The following TDRD9 variants were observed in gnomAD, a reference collection of about 807,000 sequenced individuals.
TDRD9 encodes ATP-dependent RNA helicase TDRD9.
TDRD9 carries 124 observed loss-of-function variants against 172.6 expected under a neutral mutation model. The observed-to-expected ratio is 0.72, with a 90% CI of 0.62 to 0.83. The LOEUF is 0.83. Ranked by LOEUF, TDRD9 falls within the 40% of genes least tolerant of loss-of-function variation. TDRD9 has a pLI of 0.00. For synonymous variants in TDRD9, 619 were observed against 617.1 expected, an observed-to-expected ratio of 1.00 and a Z score of -0.05; for missense variants, 1,479 against 1,714.1, an observed-to-expected ratio of 0.86 and a Z score of 2.42.
chr14:103,974,255 T>A (rs945366132), intron 6 of TDRD9, among the ~76,000 whole-genome samples: 1 of 152,144 alleles, frequency 6.6e-6, no homozygotes, highest in East Asian at 1.9e-4. Flanking sequence ...TACCTCTACT[T>A]GCGATGTACA....
At chr14:104,031,979 T>A (rs1346442606) in intron 29 of TDRD9, 38 bp from the exon 30 acceptor site, 1 of 1,402,994 alleles carries the variant, frequency 7.1e-7, no homozygotes, top group Non-Finnish European at 9.7e-7. Flanking sequence ...AGTGTTATCT[T>A]GCTTATTGGT....
chr14:104,026,206 C>A, intron 27 of TDRD9, 70 bp downstream of exon 27: 2 of 1,070,850 alleles, frequency 1.9e-6, no homozygotes, highest in Non-Finnish European at 2.9e-6. Context: ...ATTCCTGGGT[C>A]ATATGGTGCC....
chr14:103,939,741 G>GTTT (rs1322302073), intron 1 of TDRD9: 424 of 4,640 alleles, frequency 0.091, 42 homozygotes, highest in Admixed American at 0.41. Context: ...TTGAAAAAAA[G>GTTT]TGTTTTTTTT....
Position 104,035,056 on chromosome 14 carries a change from G to T in TDRD9, c.3716G>T (p.Arg1239Met). ...TTATTCGCACCGGTGATAGAGTTAA[G>T]GTACGGGCATCCCTCTTGTCTATAG... ...SMLFAPVIEL[R>M]IDQNGKYYTG... The change falls in exon 32 of 36, where the codon AGG becomes ATG. Residue 1239 changes from arginine (R) to methionine (M), a missense_variant and splice_region_variant. Coordinates refer to ENST00000409874, the MANE Select transcript of TDRD9 (RefSeq NM_153046.3). The T allele has an allele frequency of 6.4e-7, 1 of 1,551,014 alleles. No homozygotes were observed.
intron 25 of TDRD9, 38 bp from the exon 26 acceptor site, chr14:104,025,526 T>G: frequency 6.3e-7 from 1 of 1,576,202 alleles, no homozygotes; most frequent in Non-Finnish European, 8.7e-7. Context: ...CAAAAGTCCT[T>G]TCTAGATTTC....
At chr14:104,041,325 T>A (rs1164157234) in intron 33 of TDRD9, among the ~76,000 whole-genome samples, 4 of 152,038 alleles carry the variant, frequency 2.6e-5, no homozygotes, top group African/African-American at 9.7e-5. Flanking sequence ...GTGGCATGAG[T>A]TTATAAATAC....
intron 7 of TDRD9, among the ~76,000 whole-genome samples, chr14:103,985,311 T>A (rs967913497): frequency 2.0e-5 from 3 of 152,134 alleles, no homozygotes; most frequent in Non-Finnish European, 2.9e-5. Context: ...TGGGAGGTAA[T>A]TGAATCATGG....
intron 3 of TDRD9, among the ~76,000 whole-genome samples, chr14:103,964,275 A>G (rs2032638963): frequency 6.6e-6 from 1 of 152,202 alleles, no homozygotes; most frequent in African/African-American, 2.4e-5. Context: ...TAATAGATAA[A>G]AATATGTCTG....
chr14:103,928,924 G>T (rs1444480574), intron 1 of TDRD9, 200 bp downstream of exon 1: 2 of 117,734 alleles, frequency 1.7e-5, no homozygotes, highest in Non-Finnish European at 1.6e-5. Context: ...TGAGCTAGAG[G>T]TTTTTTTTTT....
At chr14:103,947,106 C>A (rs7143676) in intron 1 of TDRD9, among the ~76,000 whole-genome samples, 2,464 of 152,138 alleles carry the variant, frequency 0.016, 68 homozygotes, top group African/African-American at 0.057. Context: ...AAGTACAAAG[C>A]TGGAAGACTC....
At chr14:104,002,297 G>A (rs1245742964) in intron 13 of TDRD9, among the ~76,000 whole-genome samples, 2 of 140,282 alleles carry the variant, frequency 1.4e-5, no homozygotes, top group Non-Finnish European at 3.0e-5. Flanking sequence ...CAGCCTGGGT[G>A]ACAGAGTGAG....
intron 1 of TDRD9, among the ~76,000 whole-genome samples, chr14:103,937,575 G>A (rs2030850853): frequency 6.6e-6 from 1 of 152,154 alleles, no homozygotes; most frequent in Non-Finnish European, 1.5e-5. Context: ...CCAAAACCCA[G>A]CCCTTCCAGT....
intron 1 of TDRD9, chr14:103,939,801 C>A (rs2152119030): frequency 8.1e-6 from 1 of 123,360 alleles, no homozygotes; most frequent in East Asian, 2.6e-4. Flanking sequence ...GATTGGAGTG[C>A]AGTGGTGTGA....
chr14:104,025,996 G>A, intron 26 of TDRD9, 51 bp from the exon 27 acceptor site: 2 of 1,224,702 alleles, frequency 1.6e-6, no homozygotes, highest in Non-Finnish European at 2.4e-6. Flanking sequence ...TGCTCAGGTA[G>A]GGCATTGTTT....
At chr14:103,978,148 TGTG>T (rs2033329911) in intron 7 of TDRD9, among the ~76,000 whole-genome samples, 1 of 152,226 alleles carries the variant, frequency 6.6e-6, no homozygotes, top group African/African-American at 2.4e-5. Flanking sequence ...TGCTTTGGCT[TGTG>T]AGATCTTTTT....
In TDRD9 at chr14:104,007,169, G is replaced by C; in HGVS notation, c.2017G>C (p.Ala673Pro). The stretch of plus-strand genomic sequence containing the variant: ...GATCCTTTATTTTCAGACATGGAAG[G>C]CTTGCAGACAGACAGGGGAGCTGCG... ...ALVEAFKTWK[A>P]CRQTGELRYP... The change falls in exon 19 of 36, where the codon GCT becomes CCT. Residue 673 changes from alanine (A) to proline (P), a missense_variant. Transcript: ENST00000409874. The C allele has an allele frequency of 2.5e-6, 4 of 1,613,866 alleles. No individual in the cohort carries two copies. Among genetic ancestry groups the C allele is most frequent in the Non-Finnish European group, 3.4e-6 (4 of 1,179,850 alleles).
chr14:103,993,566 C>G (rs1452997162), intron 9 of TDRD9, among the ~76,000 whole-genome samples: 1 of 152,200 alleles, frequency 6.6e-6, no homozygotes, highest in Non-Finnish European at 1.5e-5. Context: ...CAGGGCCATG[C>G]TCTTTCTGAG....
rs572905880 is a variant in TDRD9 at position 103,953,241 on chromosome 14, C to G, written c.216-2423C>G. Among the ~76,000 whole-genome samples the G allele has an allele frequency of 4.1e-4, 62 of 152,292 alleles. 2 individuals carry two copies. Among genetic ancestry groups the G allele is most frequent in the African/African-American group, 1.4e-3 (58 of 41,548 alleles). On this transcript the variant is annotated intron_variant, in intron 1 of 35. Coordinates refer to ENST00000409874, the MANE Select transcript of TDRD9 (RefSeq NM_153046.3). ...GATACTTCCAGCTCTTCTCCATACC[C>G]TTCTGCTCCCTACCCTCCATTTCTC... is the stretch of plus-strand genomic sequence containing the variant.
At chr14:103,937,703 GAT>G (rs2030862188) in intron 1 of TDRD9, among the ~76,000 whole-genome samples, 1 of 152,140 alleles carries the variant, frequency 6.6e-6, no homozygotes, top group African/African-American at 2.4e-5. Context: ...CATTTACTGA[GAT>G]AGAAAATACT....
Sources: allele counts gnomAD v4.1 joint callset (sites outside exome capture counted in the v4.1 genomes callset), GRCh38; gene constraint gnomAD v4.1.1; transcripts MANE v1.5; gene names NCBI Gene and HGNC (gene_info 2026-07-23, HGNC 2026-07-21).